Variants in SART1 observed in about 807,000 individuals in gnomAD.
SART1 encodes U4/U6.U5 tri-snRNP-associated protein 1.
In SART1, 28 loss-of-function variants were observed where a neutral mutation model predicts 105.0. The ratio of observed to expected loss-of-function variants is 0.27; its 90% CI spans 0.20 to 0.37. SART1 has a LOEUF of 0.37. SART1 is among the 10% of genes least tolerant of loss of function. SART1 has a pLI of 1.00. For missense variants in SART1, 894 were observed against 1,106.5 expected, an observed-to-expected ratio of 0.81 and a Z score of 2.72; for synonymous variants, 472 against 462.9, an observed-to-expected ratio of 1.02 and a Z score of -0.25.
At chr11:65,962,126 C>CGAGGGGGGGGGGGG in intron 1 of SART1, 33 bp downstream of exon 1, 2 of 25,826 alleles carry the variant, frequency 7.7e-5, no homozygotes, top group South Asian at 2.5e-4. Context: ...GGGGGCGGGT[C>CGAGGGGGGGGGGGG]GGGCGGGGGT....
At chr11:65,974,826 G>A (rs1257870411) in intron 12 of SART1, among the ~76,000 whole-genome samples, 1 of 152,070 alleles carries the variant, frequency 6.6e-6, no homozygotes, top group Non-Finnish European at 1.5e-5. Flanking sequence ...ACGAGGTCAG[G>A]AGATGGAGAC....
chr11:65,973,131 A>G (rs10791834), intron 12 of SART1, among the ~76,000 whole-genome samples: 151,231 of 152,060 alleles, frequency 0.99, 75,207 homozygotes, highest in Middle Eastern at 1. Flanking sequence ...CCGAGATCGC[A>G]CCACTGCACT....
Position 65,966,457 on chromosome 11 carries a change from G to A in SART1, c.1089G>A (p.Arg363=). The A allele has an allele frequency of 6.2e-7, 1 of 1,612,886 alleles. No individual in the cohort carries two copies. The highest frequency in any genetic ancestry group is 8.5e-7 in the Non-Finnish European group (1 of 1,179,544). ...QGGTADGLRE[R]ELEEIRAKLR... ...GCACGGCTGATGGCCTGCGGGAGCG[G>A]GAGCTGGAGGAGATCCGGGCCAAGC... The change falls in exon 9 of 20, where the codon CGG becomes CGA. Residue 363 remains arginine (R), a synonymous_variant. Coordinates refer to ENST00000312397, the MANE Select transcript of SART1 (RefSeq NM_005146.5).
rs1283512848 is a variant in SART1, at chr11:65,964,061, C to T, written c.314-13C>T. 1.2e-6 allele frequency: 2 copies of T among 1,610,106 alleles called. No homozygotes were observed. The highest frequency in any genetic ancestry group is 1.3e-5 in the African/African-American group (1 of 74,902). The stretch of plus-strand genomic sequence containing the variant: ...TGTGTTCAGCTCCTGAGCCATGCTT[C>T]TTCTTGTTCCAGCTGCCAGCTCCAA... On this transcript the variant is annotated splice_polypyrimidine_tract_variant and intron_variant, in intron 1 of 19. Transcript: ENST00000312397.
intron 12 of SART1, among the ~76,000 whole-genome samples, chr11:65,973,586 A>G (rs1210577768): frequency 1.3e-5 from 2 of 152,214 alleles, no homozygotes; most frequent in Non-Finnish European, 2.9e-5. Flanking sequence ...CATGGGCAGG[A>G]GTCTAATCAG....
chr11:65,977,935 G>A (rs1162884128), intron 17 of SART1, 36 bp downstream of exon 17: 2 of 1,592,652 alleles, frequency 1.3e-6, no homozygotes, highest in Non-Finnish European at 1.7e-6. Context: ...GGCCCGGCCT[G>A]CCACAGGGAG....
intron 1 of SART1, among the ~76,000 whole-genome samples, chr11:65,962,849 C>T (rs1855173480): frequency 6.6e-6 from 1 of 152,110 alleles, no homozygotes; most frequent in African/African-American, 2.4e-5. Context: ...GAGGAATGAA[C>T]AGAACTCAGC....
At chr11:65,971,759 T>C (rs1855383982) in intron 12 of SART1, among the ~76,000 whole-genome samples, 1 of 151,996 alleles carries the variant, frequency 6.6e-6, no homozygotes, top group Non-Finnish European at 1.5e-5. Context: ...GTTCTGTTGA[T>C]TTCCCCCTGA....
chr11:65,974,517 A>T (rs1855444138), intron 12 of SART1, among the ~76,000 whole-genome samples: 1 of 151,782 alleles, frequency 6.6e-6, no homozygotes, highest in Non-Finnish European at 1.5e-5. Context: ...TGTCTCTACT[A>T]AAAATACAAA....
intron 12 of SART1, among the ~76,000 whole-genome samples, chr11:65,968,370 T>C (rs1855305753): frequency 6.6e-6 from 1 of 152,204 alleles, no homozygotes. Context: ...TAGTGCATTG[T>C]TCTTGGGCTG....
At chr11:65,974,755 G>A (rs1044882528) in intron 12 of SART1, among the ~76,000 whole-genome samples, 2 of 152,092 alleles carry the variant, frequency 1.3e-5, no homozygotes, top group Non-Finnish European at 2.9e-5. Flanking sequence ...AGTGTTCCTG[G>A]CCAGGCGCGG....
In SART1 at chr11:65,963,469, G is replaced by T. The variant is rs574591665; in HGVS notation, c.314-605G>T. Reference sequence around the variant, plus strand: ...GCAGGATGGGAATGCAGGAAAGGAAGAGTTTTTTTTTTGTTTTGTTTTGTT... The same window carrying T: ...GCAGGATGGGAATGCAGGAAAGGAATAGTTTTTTTTTTGTTTTGTTTTGTT... On this transcript the variant is annotated intron_variant, in intron 1 of 19. Coordinates refer to ENST00000312397, the MANE Select transcript of SART1 (RefSeq NM_005146.5). Among the ~76,000 whole-genome samples the T allele has an allele frequency of 2.1e-3, 312 of 151,926 alleles. 3 individuals carry two copies. The highest frequency in any genetic ancestry group is 6.7e-3 in the African/African-American group (276 of 41,460).
chr11:65,961,902 G>C lies in SART1; in HGVS notation c.122G>C (p.Arg41Pro). 6.4e-7 allele frequency: 1 copy of C among 1,552,814 alleles called. No individual in the cohort carries two copies. The highest frequency in any genetic ancestry group is 8.7e-7 in the Non-Finnish European group (1 of 1,148,068). ...RHREHKKHKH[R>P]SGGSGGSGGE... ...CGGGAACACAAAAAACACAAGCACC[G>C]GAGTGGCGGCAGTGGCGGTAGCGGT... is the stretch of plus-strand genomic sequence containing the variant. The change falls in exon 1 of 20, where the codon CGG becomes CCG. Residue 41 changes from arginine (R) to proline (P), a missense_variant. By Grantham distance (103) the Arg-to-Pro change is moderately radical (BLOSUM62 -2). Transcript: ENST00000312397.
In SART1 at chr11:65,971,883, A is replaced by G. The variant is rs1855386184; in HGVS notation, c.1572+4062A>G. On this transcript the variant is annotated intron_variant, in intron 12 of 19. Coordinates refer to ENST00000312397, the MANE Select transcript of SART1 (RefSeq NM_005146.5). Reference sequence around the variant, plus strand: ...TTGAAGTTAATACAGTCAATGAGCTAGAAAGAAAGGCTGGAGAGAACAGAA... The same window carrying G: ...TTGAAGTTAATACAGTCAATGAGCTGGAAAGAAAGGCTGGAGAGAACAGAA... Among the ~76,000 whole-genome samples, 5 of 152,162 alleles carry G rather than the reference A, an allele frequency of 3.3e-5. No homozygotes were observed. The South Asian group carries it at 1.0e-3, about 32-fold the overall frequency.
At chr11:65,967,172 A>G (rs770125193) in intron 9 of SART1, 87 bp from the exon 10 acceptor site, 69 of 1,548,926 alleles carry the variant, frequency 4.5e-5, no homozygotes, top group Non-Finnish European at 5.6e-5. Context: ...GCACAGAGGA[A>G]CACCAAAGAA....
chr11:65,974,371 CA>C (rs55994535), intron 12 of SART1, among the ~76,000 whole-genome samples: 1,178 of 65,232 alleles, frequency 0.018, 24 homozygotes, highest in African/African-American at 0.069. Context: ...GACTCTGTCT[CA>C]AAAAAAAAAA....
rs745609696 is a variant in SART1, at chr11:65,965,685, C to T, written c.661-17C>T. 188 of 1,610,754 alleles carry T rather than the reference C, an allele frequency of 1.2e-4. No individual in the cohort carries two copies. The highest frequency in any genetic ancestry group is 1.5e-4 in the Non-Finnish European group (180 of 1,178,152). On this transcript the variant is annotated splice_polypyrimidine_tract_variant and intron_variant, in intron 5 of 19. Transcript: ENST00000312397. ...TGAGTGGCCTGAAGTCCTAGGTCAC[C>T]CCTCCCTGTCCCGTAGGCCAAGTTA... is the stretch of plus-strand genomic sequence containing the variant.
intron 12 of SART1, among the ~76,000 whole-genome samples, chr11:65,972,730 C>T (rs1855402705): frequency 6.6e-6 from 1 of 150,834 alleles, no homozygotes; most frequent in African/African-American, 2.4e-5. Context: ...TAGACTATAG[C>T]TGACTATATC....
At chr11:65,972,975 C>T (rs1458664634) in intron 12 of SART1, among the ~76,000 whole-genome samples, 1 of 152,074 alleles carries the variant, frequency 6.6e-6, no homozygotes, top group Non-Finnish European at 1.5e-5. Flanking sequence ...ATGAGACCAT[C>T]CTGGTCAACA....
Sources: allele counts gnomAD v4.1 joint callset (sites outside exome capture counted in the v4.1 genomes callset), GRCh38; gene constraint gnomAD v4.1.1; transcripts MANE v1.5; gene names NCBI Gene and HGNC (gene_info 2026-07-23, HGNC 2026-07-21).